The following RING1 variants were observed in gnomAD, a reference collection of about 807,000 sequenced individuals.
RING1 encodes E3 ubiquitin-protein ligase RING1.
In RING1, 8 loss-of-function variants were observed where a neutral mutation model predicts 35.0. The observed-to-expected ratio is 0.23, with a 90% CI of 0.13 to 0.41. The LOEUF (loss-of-function observed/expected upper bound fraction) is 0.41. RING1 is among the 10% of genes least tolerant of loss of function. RING1 has a pLI of 1.00. For missense variants in RING1, 343 were observed against 546.8 expected (o/e 0.63, Z 3.72); for synonymous variants, 214 against 224.3 (o/e 0.95, Z 0.41).
rs369799440 is a variant in RING1 at position 33,212,312 on chromosome 6, G to T, written c.1134G>T (p.Ser378=). The change falls in exon 7 of 7, where the codon TCG becomes TCT. Residue 378 remains serine (S), a synonymous_variant. Coordinates refer to ENST00000374656, the MANE Select transcript of RING1 (RefSeq NM_002931.4). ...GGGAFTTLNG[S]LTLELVNEKF... is the part of the protein sequence containing the mutation. ...CCCCTCCTCAGACGTTGAATGGCTC[G>T]CTGACCCTGGAGCTGGTGAATGAGA... 22 of 1,584,794 alleles carry T rather than the reference G, an allele frequency of 1.4e-5. No homozygotes were observed. Among genetic ancestry groups the T allele is most frequent in the East Asian group, 2.3e-5 (1 of 43,592 alleles).
In RING1 at chr6:33,211,121, C is replaced by A; in HGVS notation, c.456-37C>A. 1 of 1,535,498 alleles carries A rather than the reference C, an allele frequency of 6.5e-7. No homozygotes were observed. The highest frequency in any genetic ancestry group is 1.8e-4 in the Middle Eastern group (1 of 5,696). On this transcript the variant is annotated intron_variant, in intron 4 of 6. Coordinates refer to ENST00000374656, the MANE Select transcript of RING1 (RefSeq NM_002931.4). This position sits in a 1 kb window ranked among gnomAD's most constrained non-coding sequence, Gnocchi z 6.3. ...AAGTTTAAAGTCTAAGCCCTTTATC[C>A]TGGATGCCTTCTAACCTTAACCACT...
At chr6:33,210,594 G>A (rs113307811) in intron 4 of RING1, among the ~76,000 whole-genome samples, 8 of 151,000 alleles carry the variant, frequency 5.3e-5, no homozygotes, top group African/African-American at 1.2e-4. Context: ...CCTGCTGGGC[G>A]ACAGAACAAG....
rs1775314122 is a variant in RING1 at position 33,208,718 on chromosome 6, G to A, written c.-58-47G>A. The stretch of plus-strand genomic sequence containing the variant: ...GCTTCTGGAGGGGCGGGGTCTACGC[G>A]AGGGGCGGCCCCCCTGACGCCCTCC... On this transcript the variant is annotated intron_variant, in intron 1 of 6. Coordinates refer to ENST00000374656, the MANE Select transcript of RING1 (RefSeq NM_002931.4). The surrounding 1 kb of genome is among the most constrained non-coding windows in gnomAD (Gnocchi z 6.2). 1.1e-6 allele frequency: 1 copy of A among 937,414 alleles called. No individual in the cohort carries two copies. The highest frequency in any genetic ancestry group is 1.5e-6 in the Non-Finnish European group (1 of 646,782). The allele number at this position is 937,414 out of a possible 1,614,324, so 58.1% of individuals were successfully genotyped here. A position where few individuals can be genotyped will look rare whatever the true frequency, so the allele number is the denominator to read the frequency against.
chr6:33,208,676 CG>C lies in RING1; in HGVS notation c.-59+37del. On this transcript the variant is annotated intron_variant, in intron 1 of 6. Transcript: ENST00000374656. The surrounding 1 kb of genome is among the most constrained non-coding windows in gnomAD (Gnocchi z 6.2). ...GGCAGTGCCGGCGCGGGGGCGGGAG[CG>C]GGGGCGGAGAGGGGCGCTTCTGGAG... 1.6e-6 allele frequency: 1 copy of C among 631,106 alleles called. No individual in the cohort carries two copies. The highest frequency in any genetic ancestry group is 2.6e-6 in the Non-Finnish European group (1 of 380,432). 39.1% of individuals were successfully genotyped at this position (631,106 alleles called of 1,614,324 possible). A position where few individuals can be genotyped will look rare whatever the true frequency, so the allele number is the denominator to read the frequency against.
chr6:33,210,168 GGTC>G, intron 4 of RING1, 38 bp downstream of exon 4: 1 of 1,581,002 alleles, frequency 6.3e-7, no homozygotes. Flanking sequence ...TGATGGGATG[GGTC>G]CGTGGGTCAG....
rs527272198 is a variant in RING1, at chr6:33,208,879, T to C, written c.57T>C (p.Tyr19=). Reference sequence around the variant, plus strand: ...GCAAAACGTGGGAACTGAGTCTGTATGAGCTGCACCGGACCCCGCAGGTGA... The same window carrying C: ...GCAAAACGTGGGAACTGAGTCTGTACGAGCTGCACCGGACCCCGCAGGTGA... ...NASKTWELSL[Y]ELHRTPQEAI... is the part of the protein sequence containing the mutation. The change falls in exon 2 of 7, where the codon TAT becomes TAC. Residue 19 remains tyrosine (Y), a synonymous_variant. Coordinates refer to ENST00000374656, the MANE Select transcript of RING1 (RefSeq NM_002931.4). This position sits in a 1 kb window ranked among gnomAD's most constrained non-coding sequence, Gnocchi z 6.2. 313 of 1,612,602 alleles carry C rather than the reference T, an allele frequency of 1.9e-4. 4 individuals are homozygous for C. The South Asian group carries it at 2.8e-3, about 14-fold the overall frequency.
At chr6:33,210,632 A>G (rs1181522702) in intron 4 of RING1, among the ~76,000 whole-genome samples, 1 of 152,116 alleles carries the variant, frequency 6.6e-6, no homozygotes, top group Non-Finnish European at 1.5e-5. Context: ...AAAAAAGGAA[A>G]AATGTAGTTT....
At chr6:33,212,052 G>C in intron 6 of RING1, 50 bp downstream of exon 6, 1 of 1,407,828 alleles carries the variant, frequency 7.1e-7, no homozygotes, top group Non-Finnish European at 9.5e-7. Flanking sequence ...AGGGAGGGTG[G>C]TCTGGGCCAC....
At chr6:33,210,690 A>C (rs1352278923) in intron 4 of RING1, among the ~76,000 whole-genome samples, 1 of 152,122 alleles carries the variant, frequency 6.6e-6, no homozygotes, top group Non-Finnish European at 1.5e-5. Context: ...TTTTGAGAAT[A>C]AGCCCCGGAT....
Position 33,212,542 on chromosome 6 carries a change from A to G in RING1, c.*143A>G. ...AATGAGGACACGTGGCTTTTATACA[A>G]AGTATCTATATGAGATTCTTCTATA... On this transcript the variant is annotated 3_prime_UTR_variant, in exon 7 of 7. Transcript: ENST00000374656. 1 of 616,342 alleles carries G rather than the reference A, an allele frequency of 1.6e-6. No homozygotes were observed. The highest frequency in any genetic ancestry group is 2.9e-6 in the Non-Finnish European group (1 of 343,556). The allele number at this position is 616,342 out of a possible 1,614,324, so 38.2% of individuals were successfully genotyped here.
Position 33,208,567 on chromosome 6 carries a change from G to A in RING1, c.-136G>A. On this transcript the variant is annotated 5_prime_UTR_variant, in exon 1 of 7. Coordinates refer to ENST00000374656, the MANE Select transcript of RING1 (RefSeq NM_002931.4). This position sits in a 1 kb window ranked among gnomAD's most constrained non-coding sequence, Gnocchi z 6.2. ...AGCTGCTGTCTGAGCAGCGGTTGCG[G>A]ACCGAGCGAACTTGGCCCAGGAGCC... 1 of 471,380 alleles carries A rather than the reference G, an allele frequency of 2.1e-6. No individual in the cohort carries two copies. Among genetic ancestry groups the A allele is most frequent in the Non-Finnish European group, 3.7e-6 (1 of 270,750 alleles). The allele number at this position is 471,380 out of a possible 1,614,324, so 29.2% of individuals were successfully genotyped here. A position where few individuals can be genotyped will look rare whatever the true frequency, so the allele number is the denominator to read the frequency against.
Position 33,209,347 on chromosome 6 carries a change from C to G in RING1, c.79-279C>G, listed in dbSNP as rs966608911. 3.3e-5 allele frequency among the ~76,000 whole-genome samples: 5 copies of G among 152,130 alleles called. No individual in the cohort carries two copies. The highest frequency in any genetic ancestry group is 4.8e-5 in the African/African-American group (2 of 41,414). On this transcript the variant is annotated intron_variant, in intron 2 of 6. Coordinates refer to ENST00000374656, the MANE Select transcript of RING1 (RefSeq NM_002931.4). This position sits in a 1 kb window ranked among gnomAD's most constrained non-coding sequence, Gnocchi z 5.1. ...AAAAAATTTTGTTGAATAGTTTTTCCCAACCACAGATTTGTGCCATCTTCA... is the reference window on the plus strand; with the variant it reads ...AAAAAATTTTGTTGAATAGTTTTTCGCAACCACAGATTTGTGCCATCTTCA...
Position 33,208,906 on chromosome 6 carries a change from A to G in RING1, c.78+6A>G, listed in dbSNP as rs1034975735. 10 of 1,610,180 alleles carry G rather than the reference A, an allele frequency of 6.2e-6. No homozygotes were observed. Among genetic ancestry groups the G allele is most frequent in the Non-Finnish European group, 8.5e-6 (10 of 1,178,278 alleles). ...AGCTGCACCGGACCCCGCAGGTGAC[A>G]GGCATTCTCCCTTTCAGGCTTACCC... On this transcript the variant is annotated splice_donor_region_variant and intron_variant, in intron 2 of 6. Transcript: ENST00000374656. The surrounding 1 kb of genome is among the most constrained non-coding windows in gnomAD (Gnocchi z 6.2).
Position 33,212,678 on chromosome 6 carries a change from C to T in RING1, c.*279C>T, listed in dbSNP as rs534418562. 8 of 351,522 alleles carry T rather than the reference C, an allele frequency of 2.3e-5. No homozygotes were observed. The highest frequency in any genetic ancestry group is 8.6e-5 in the East Asian group (2 of 23,340). 21.8% of individuals were successfully genotyped at this position (351,522 alleles called of 1,614,324 possible). ...GGTGAAGAACCCTCCCATTCACGCCCGCCTACCAACAACAAACGTGCTTTT... is the reference window on the plus strand; with the variant it reads ...GGTGAAGAACCCTCCCATTCACGCCTGCCTACCAACAACAAACGTGCTTTT... On this transcript the variant is annotated 3_prime_UTR_variant, in exon 7 of 7. Coordinates refer to ENST00000374656, the MANE Select transcript of RING1 (RefSeq NM_002931.4).
chr6:33,208,690 G>T lies in RING1; in HGVS notation c.-59+46G>T. ...GGGGGCGGGAGCGGGGGCGGAGAGG[G>T]GCGCTTCTGGAGGGGCGGGGTCTAC... On this transcript the variant is annotated intron_variant, in intron 1 of 6. Coordinates refer to ENST00000374656, the MANE Select transcript of RING1 (RefSeq NM_002931.4). This position sits in a 1 kb window ranked among gnomAD's most constrained non-coding sequence, Gnocchi z 6.2. The T allele has an allele frequency of 1.4e-6, 1 of 703,566 alleles. No homozygotes were observed. Among genetic ancestry groups the T allele is most frequent in the Non-Finnish European group, 2.3e-6 (1 of 443,066 alleles). 43.6% of individuals were successfully genotyped at this position (703,566 alleles called of 1,614,324 possible). A position where few individuals can be genotyped will look rare whatever the true frequency, so the allele number is the denominator to read the frequency against.
intron 6 of RING1, 70 bp downstream of exon 6, chr6:33,212,072 T>A (rs1391100598): frequency 7.9e-7 from 1 of 1,264,684 alleles, no homozygotes; most frequent in Non-Finnish European, 1.1e-6. Flanking sequence ...CATAGAACCA[T>A]GAGCCTGGTC....
At position 33,209,030 on chromosome 6, in the gene RING1, A is replaced by C. The variant is rs775690676; in HGVS notation, c.78+130A>C. 22 of 792,992 alleles carry C rather than the reference A, an allele frequency of 2.8e-5. No homozygotes were observed. The highest frequency in any genetic ancestry group is 1.9e-4 in the South Asian group (13 of 69,028). 49.1% of individuals were successfully genotyped at this position (792,992 alleles called of 1,614,324 possible). On this transcript the variant is annotated intron_variant, in intron 2 of 6. Transcript: ENST00000374656. The surrounding 1 kb of genome is among the most constrained non-coding windows in gnomAD (Gnocchi z 5.1). ...CCTGGCCCTACCTTTGAATCACCTT[A>C]ATCTTTCCAAAGCACTTTCGCATTT...
chr6:33,208,519 G>A lies in RING1; in HGVS notation c.-184G>A, dbSNP rs1583451808. 7.1e-5 allele frequency: 30 copies of A among 424,250 alleles called. No homozygotes were observed. In the East Asian group the frequency reaches 1.1e-3, roughly 15 times the overall value. 26.3% of individuals were successfully genotyped at this position (424,250 alleles called of 1,614,324 possible). A position where few individuals can be genotyped will look rare whatever the true frequency, so the allele number is the denominator to read the frequency against. The stretch of plus-strand genomic sequence containing the variant: ...AGTGACGTAGGGCCCCAGCGCCCGG[G>A]CCATGGCGGCGGCGGTGGCGGGAGC... On this transcript the variant is annotated 5_prime_UTR_variant, in exon 1 of 7. Coordinates refer to ENST00000374656, the MANE Select transcript of RING1 (RefSeq NM_002931.4). The surrounding 1 kb of genome is among the most constrained non-coding windows in gnomAD (Gnocchi z 6.2).
Position 33,209,614 on chromosome 6 carries a change from T to G in RING1, c.79-12T>G. 6.2e-7 allele frequency: 1 copy of G among 1,610,486 alleles called. No individual in the cohort carries two copies. Among genetic ancestry groups the G allele is most frequent in the South Asian group, 1.1e-5 (1 of 91,058 alleles). ...TAACCCACACCACCTTTCTACTCAC[T>G]GATGCCTTCAGGAAGCCATAATGGA... is the stretch of plus-strand genomic sequence containing the variant. On this transcript the variant is annotated splice_polypyrimidine_tract_variant and intron_variant, in intron 2 of 6. Coordinates refer to ENST00000374656, the MANE Select transcript of RING1 (RefSeq NM_002931.4). This position sits in a 1 kb window ranked among gnomAD's most constrained non-coding sequence, Gnocchi z 5.1.
Sources: allele counts gnomAD v4.1 joint callset (sites outside exome capture counted in the v4.1 genomes callset), GRCh38; gene constraint gnomAD v4.1.1; non-coding constraint Gnocchi (gnomAD v3.1); transcripts MANE v1.5; gene names NCBI Gene and HGNC (gene_info 2026-07-23, HGNC 2026-07-21).